CUL5: variants seen among roughly 807,000 people sequenced by gnomAD.
The protein encoded by CUL5 is cullin-5.
In CUL5, 26 loss-of-function variants were observed where a neutral mutation model predicts 108.8. That is an observed-to-expected ratio of 0.24 (90% CI 0.18 to 0.33). The LOEUF is 0.33. Among genes scored for constraint, CUL5 ranks in the 10% least tolerant of loss-of-function variants. CUL5 has a pLI of 1.00. For missense variants in CUL5, 524 were observed against 909.2 expected, an observed-to-expected ratio of 0.58 and a Z score of 5.45; for synonymous variants, 334 against 298.0, an observed-to-expected ratio of 1.12 and a Z score of -1.25.
chr11:108,014,989 C>G (rs1862144726), intron 1 of CUL5, among the ~76,000 whole-genome samples: 1 of 152,162 alleles, frequency 6.6e-6, no homozygotes, highest in South Asian at 2.1e-4. Flanking sequence ...ACCTCCACCT[C>G]CTGGGTTCAA....
chr11:108,073,003 C>G (rs1863861091), intron 9 of CUL5, among the ~76,000 whole-genome samples: 1 of 152,044 alleles, frequency 6.6e-6, no homozygotes, highest in African/African-American at 2.4e-5. Flanking sequence ...GAGATCGAGA[C>G]TATCCTGGCT....
chr11:108,034,009 A>G, intron 2 of CUL5, 98 bp downstream of exon 2: 3 of 742,516 alleles, frequency 4.0e-6, no homozygotes, highest in South Asian at 3.4e-5. Flanking sequence ...TTATCTGTTT[A>G]CCTATTAAAA....
At chr11:108,067,041 A>G (rs1565255304) in intron 7 of CUL5, among the ~76,000 whole-genome samples, 1 of 152,208 alleles carries the variant, frequency 6.6e-6, no homozygotes, top group South Asian at 2.1e-4. Flanking sequence ...GTTGGAGGCT[A>G]TGGAGATACA....
intron 7 of CUL5, among the ~76,000 whole-genome samples, chr11:108,062,649 GAT>G (rs1194415406): frequency 1.5e-4 from 23 of 151,806 alleles, no homozygotes; most frequent in Non-Finnish European, 2.9e-4. Context: ...GAGACATTTT[GAT>G]ACAGGCATGC....
chr11:108,027,425 C>T (rs1208565189), intron 1 of CUL5, among the ~76,000 whole-genome samples: 1 of 152,114 alleles, frequency 6.6e-6, no homozygotes, highest in Non-Finnish European at 1.5e-5. Context: ...GGGCCTACCA[C>T]CACACCCAGC....
At chr11:108,075,244 G>T (rs7105163) in intron 10 of CUL5, among the ~76,000 whole-genome samples, 109,286 of 151,394 alleles carry the variant, frequency 0.72, 40,319 homozygotes, top group East Asian at 0.93. Flanking sequence ...AGGGACGATA[G>T]CGTGGCGTAT....
chr11:108,012,969 G>A (rs1431323135), intron 1 of CUL5, among the ~76,000 whole-genome samples: 1 of 152,098 alleles, frequency 6.6e-6, no homozygotes, highest in African/African-American at 2.4e-5. Flanking sequence ...TGGAAAAGCA[G>A]CCCCCATTTG....
chr11:108,073,604 C>T, intron 10 of CUL5, 107 bp downstream of exon 10: 3 of 476,216 alleles, frequency 6.3e-6, no homozygotes, highest in Non-Finnish European at 7.2e-6. Flanking sequence ...AACTTAAAAA[C>T]CTAGCAACTG....
chr11:108,041,108 C>T lies in CUL5; in HGVS notation c.135-5162C>T, dbSNP rs115149291. On this transcript the variant is annotated intron_variant, in intron 2 of 18. Transcript: ENST00000393094. ...CTTTGGCTCCAGAATTCTTCAACAG[C>T]CTTACCAACCTTTCTTAGAACTGTG... 6.9e-3 allele frequency among the ~76,000 whole-genome samples: 1,055 copies of T among 152,232 alleles called. 15 individuals are homozygous for T. The highest frequency in any genetic ancestry group is 0.024 in the African/African-American group (986 of 41,528).
intron 11 of CUL5, among the ~76,000 whole-genome samples, chr11:108,085,856 G>C (rs1216596400): frequency 6.6e-6 from 1 of 152,140 alleles, no homozygotes. Context: ...GGTAATGAAA[G>C]TGTTCTAAAA....
At chr11:108,060,762 G>C (rs1045406409) in intron 7 of CUL5, among the ~76,000 whole-genome samples, 2 of 151,974 alleles carry the variant, frequency 1.3e-5, no homozygotes, top group African/African-American at 4.8e-5. Context: ...GCTTGAACCC[G>C]GGAGGCGGAG....
intron 2 of CUL5, among the ~76,000 whole-genome samples, chr11:108,035,196 C>T (rs780893887): frequency 2.6e-5 from 4 of 152,076 alleles, no homozygotes; most frequent in African/African-American, 9.7e-5. Context: ...AAGAAGTGGG[C>T]GAAGGGGCTA....
chr11:108,044,934 G>A (rs1863030214), intron 2 of CUL5, among the ~76,000 whole-genome samples: 1 of 151,728 alleles, frequency 6.6e-6, no homozygotes, highest in Non-Finnish European at 1.5e-5. Flanking sequence ...GCTAATTTTT[G>A]TATTATTAGT....
rs538439313 is a variant in CUL5 at position 108,027,987 on chromosome 11, C to G, written c.25-5815C>G. On this transcript the variant is annotated intron_variant, in intron 1 of 18. Coordinates refer to ENST00000393094, the MANE Select transcript of CUL5 (RefSeq NM_003478.6). Reference sequence around the variant, plus strand: ...TTGCTAGTTCTTACTCCTCTCTCCGCCTCTTAATGTTGGATATCTAAAACC... The same window carrying G: ...TTGCTAGTTCTTACTCCTCTCTCCGGCTCTTAATGTTGGATATCTAAAACC... Among the ~76,000 whole-genome samples the G allele has an allele frequency of 4.6e-5, 7 of 152,266 alleles. No homozygotes were observed. The South Asian group carries it at 6.2e-4, about 14-fold the overall frequency.
chr11:108,064,585 C>G (rs2135164968), intron 7 of CUL5, among the ~76,000 whole-genome samples: 1 of 152,162 alleles, frequency 6.6e-6, no homozygotes, highest in Non-Finnish European at 1.5e-5. Flanking sequence ...TGTCAGGTGC[C>G]CGTAATCCCA....
intron 18 of CUL5, among the ~76,000 whole-genome samples, chr11:108,101,215 A>G (rs536559481): frequency 6.3e-4 from 96 of 152,142 alleles, no homozygotes; most frequent in Non-Finnish European, 1.1e-3. Context: ...ATTCATTGCT[A>G]TTTGCATAGG....
chr11:108,048,568 T>TA (rs1460395371), intron 3 of CUL5, among the ~76,000 whole-genome samples: 2 of 151,788 alleles, frequency 1.3e-5, no homozygotes, highest in Non-Finnish European at 2.9e-5. Flanking sequence ...CTTTCACTGT[T>TA]ACATCGGTGG....
At chr11:108,037,694 G>A (rs1286217768) in intron 2 of CUL5, among the ~76,000 whole-genome samples, 1 of 152,182 alleles carries the variant, frequency 6.6e-6, no homozygotes, top group African/African-American at 2.4e-5. Flanking sequence ...TTCTACTGGG[G>A]GCTCGTCATG....
intron 17 of CUL5, 26 bp downstream of exon 17, chr11:108,097,780 A>G (rs1864536133): frequency 8.0e-7 from 1 of 1,254,256 alleles, no homozygotes; most frequent in Non-Finnish European, 1.1e-6. Context: ...GATCTAAAAT[A>G]AAAACACCTT....
Sources: allele counts gnomAD v4.1 joint callset (sites outside exome capture counted in the v4.1 genomes callset), GRCh38; gene constraint gnomAD v4.1.1; transcripts MANE v1.5; gene names NCBI Gene and HGNC (gene_info 2026-07-23, HGNC 2026-07-21).